Variants in RNF38 observed in about 807,000 individuals in gnomAD.
RNF38 encodes the protein E3 ubiquitin-protein ligase RNF38.
In RNF38, 15 loss-of-function variants were observed where a neutral mutation model predicts 67.2. That is an observed-to-expected ratio of 0.22 (90% CI 0.15 to 0.34). RNF38 has a LOEUF of 0.34. RNF38 is among the 10% of genes least tolerant of loss of function. RNF38 has a pLI of 1.00. For synonymous variants in RNF38, 220 were observed against 218.8 expected, an observed-to-expected ratio of 1.01 and a Z score of -0.05; for missense variants, 524 against 639.9, an observed-to-expected ratio of 0.82 and a Z score of 1.95.
At position 36,337,201 on chromosome 9, in the gene RNF38, AC is replaced by A. The variant is rs1832512235; in HGVS notation, c.*2550del. ...TCTTTTGCTAGCCACAGAGTTGCTC[AC>A]TGTGGCAAGCCTGAGCTGGTCAGAA... is the stretch of plus-strand genomic sequence containing the variant. On this transcript the variant is annotated 3_prime_UTR_variant, in exon 12 of 12. Transcript: ENST00000259605. The A allele has an allele frequency of 6.6e-6, 1 of 152,274 alleles. No individual in the cohort carries two copies. Among genetic ancestry groups the A allele is most frequent in the Non-Finnish European group, 1.5e-5 (1 of 68,058 alleles). 9.4% of individuals were successfully genotyped at this position (152,274 alleles called of 1,614,324 possible). A position where few individuals can be genotyped will look rare whatever the true frequency, so the allele number is the denominator to read the frequency against.
chr9:36,465,565 G>A (rs1839839968), intron 1 of RNF38, among the ~76,000 whole-genome samples: 3 of 151,990 alleles, frequency 2.0e-5, no homozygotes, highest in South Asian at 2.1e-4. Context: ...GGCTGGTCTC[G>A]AACTCCTGAC....
intron 2 of RNF38, among the ~76,000 whole-genome samples, chr9:36,383,750 CAA>C (rs762686750): frequency 1.3e-5 from 2 of 151,394 alleles, no homozygotes; most frequent in African/African-American, 2.4e-5. Context: ...ATGTTGTTTT[CAA>C]AAGTTACCAT....
At chr9:36,473,985 C>CG (rs1404924863) in intron 1 of RNF38, among the ~76,000 whole-genome samples, 7 of 114,880 alleles carry the variant, frequency 6.1e-5, no homozygotes, top group East Asian at 2.6e-4. Context: ...GACTCCATCT[C>CG]GGGAAAAAAA....
chr9:36,433,397 T>C lies in RNF38; in HGVS notation n.242-8714A>G, dbSNP rs1026423240. 5.9e-5 allele frequency among the ~76,000 whole-genome samples: 9 copies of C among 151,696 alleles called. No homozygotes were observed. The East Asian group carries it at 1.4e-3, about 23-fold the overall frequency. The stretch of plus-strand genomic sequence containing the variant: ...AATATCTCATGTACCCCCATAAATA[T>C]ATACACCTACTAGGTACCCACAAAA... On this transcript the variant is annotated intron_variant and non_coding_transcript_variant, in intron 1 of 3. Coordinates refer to the RNF38 transcript ENST00000488058.
intron 6 of RNF38, among the ~76,000 whole-genome samples, chr9:36,355,422 G>C (rs1286852970): frequency 6.6e-6 from 1 of 151,978 alleles, no homozygotes. Flanking sequence ...AAAATAATAG[G>C]CCTCTCAACT....
At chr9:36,470,217 C>G (rs1455843348) in intron 1 of RNF38, among the ~76,000 whole-genome samples, 2 of 152,180 alleles carry the variant, frequency 1.3e-5, no homozygotes, top group Non-Finnish European at 2.9e-5. Flanking sequence ...AACCACTACT[C>G]TACCTCCTGG....
intron 1 of RNF38, among the ~76,000 whole-genome samples, chr9:36,427,721 A>G (rs1478200091): frequency 1.3e-5 from 2 of 150,818 alleles, no homozygotes; most frequent in Non-Finnish European, 2.9e-5. Context: ...CTATCTATTA[A>G]TTTATTTGAG....
chr9:36,373,514 G>A (rs984072444), intron 3 of RNF38, among the ~76,000 whole-genome samples: 2 of 151,714 alleles, frequency 1.3e-5, no homozygotes, highest in Non-Finnish European at 2.9e-5. Flanking sequence ...GAAGGGGAAC[G>A]GTAGCACCTG....
At chr9:36,356,196 G>A (rs566923227) in intron 6 of RNF38, 107 bp downstream of exon 6, 338 of 1,071,946 alleles carry the variant, frequency 3.2e-4, no homozygotes, top group Non-Finnish European at 4.3e-4. Flanking sequence ...TTAGGCATTC[G>A]TCTGGTTCTT....
intron 1 of RNF38, among the ~76,000 whole-genome samples, chr9:36,449,596 C>T (rs1454409908): frequency 1.3e-5 from 2 of 152,096 alleles, no homozygotes; most frequent in East Asian, 1.9e-4. Context: ...CCAACACGCC[C>T]GGCTAATTTT....
At chr9:36,344,170 A>C (rs962385049) in intron 10 of RNF38, among the ~76,000 whole-genome samples, 2 of 152,024 alleles carry the variant, frequency 1.3e-5, no homozygotes, top group African/African-American at 4.8e-5. Flanking sequence ...GCCTGCCACC[A>C]TGTCCAGCTA....
chr9:36,348,180 G>A (rs1293953327), intron 9 of RNF38, among the ~76,000 whole-genome samples: 2 of 151,614 alleles, frequency 1.3e-5, no homozygotes. Flanking sequence ...CAGTAACCAT[G>A]TTCTAAAGGC....
intron 9 of RNF38, among the ~76,000 whole-genome samples, chr9:36,348,738 G>A (rs987047572): frequency 2.0e-5 from 3 of 152,214 alleles, no homozygotes; most frequent in Admixed American, 1.3e-4. Flanking sequence ...AAGGAAAGAA[G>A]CCATCTTTAT....
At chr9:36,363,872 GA>G (rs1459637584) in intron 4 of RNF38, among the ~76,000 whole-genome samples, 1 of 87,454 alleles carries the variant, frequency 1.1e-5, no homozygotes, top group African/African-American at 3.4e-5. Context: ...CTTATATGCA[GA>G]TTTTTTTTTT....
At chr9:36,374,476 TC>T (rs1250487293) in intron 3 of RNF38, among the ~76,000 whole-genome samples, 7 of 152,148 alleles carry the variant, frequency 4.6e-5, no homozygotes, top group Admixed American at 2.0e-4. Context: ...GAGGATGAGT[TC>T]CCCGACATCT....
intron 1 of RNF38, among the ~76,000 whole-genome samples, chr9:36,429,675 T>C (rs1284202947): frequency 6.6e-6 from 1 of 152,018 alleles, no homozygotes; most frequent in East Asian, 1.9e-4. Flanking sequence ...GCACCTGTAA[T>C]CCCAGCTACT....
intron 1 of RNF38, among the ~76,000 whole-genome samples, chr9:36,429,801 A>C (rs1480001527): frequency 6.6e-6 from 1 of 152,152 alleles, no homozygotes; most frequent in Admixed American, 6.5e-5. Flanking sequence ...CTCAAGAAAA[A>C]ATAAATTAAT....
At chr9:36,434,190 C>T (rs1395657219) in intron 1 of RNF38, among the ~76,000 whole-genome samples, 2 of 142,636 alleles carry the variant, frequency 1.4e-5, no homozygotes, top group South Asian at 2.4e-4. Context: ...GAGCTGAGAT[C>T]GTGCCACTGC....
chr9:36,482,087 C>G (rs1840283847), intron 1 of RNF38, among the ~76,000 whole-genome samples: 1 of 125,746 alleles, frequency 8.0e-6, no homozygotes, highest in Non-Finnish European at 1.6e-5. Context: ...AAGTTTCGCT[C>G]TTGTTGCCCA....
Sources: allele counts gnomAD v4.1 joint callset (sites outside exome capture counted in the v4.1 genomes callset), GRCh38; gene constraint gnomAD v4.1.1; transcripts MANE v1.5; gene names NCBI Gene and HGNC (gene_info 2026-07-23, HGNC 2026-07-21).